BTLA: variants seen among roughly 807,000 people sequenced by gnomAD.
The protein encoded by BTLA is B and T lymphocyte associated, also known as B- and T-lymphocyte attenuator.
Under a neutral mutation model 25.0 loss-of-function variants are expected in BTLA, and 11 were observed. That is an observed-to-expected ratio of 0.44 (90% CI 0.28 to 0.73). BTLA has a LOEUF of 0.73. Ranked by LOEUF, BTLA falls within the 30% of genes least tolerant of loss-of-function variation. BTLA has a pLI of 0.15. For missense variants in BTLA, 282 were observed against 332.8 expected (o/e 0.85, Z 1.19); for synonymous variants, 104 against 119.8 (o/e 0.87, Z 0.86).
intron 1 of BTLA, among the ~76,000 whole-genome samples, chr3:112,484,007 T>C (rs530965151): frequency 1.6e-4 from 24 of 151,348 alleles, no homozygotes; most frequent in Non-Finnish European, 3.1e-4. Flanking sequence ...TGCATGGGTC[T>C]GCAGAAGGTT....
Position 112,471,197 on chromosome 3 carries a change from G to GA in BTLA, c.547+14dup. 6.2e-7 allele frequency: 1 copy of GA among 1,613,216 alleles called. No individual in the cohort carries two copies. On this transcript the variant is annotated intron_variant, in intron 3 of 4. Coordinates refer to ENST00000334529, the MANE Select transcript of BTLA (RefSeq NM_181780.4). ...AAATGTGTGGTACTGGGGGCAGAGGGAAAATAGAACCCACCTTGGTGCCTT... is the reference window on the plus strand; with the variant it reads ...AAATGTGTGGTACTGGGGGCAGAGGGAAAAATAGAACCCACCTTGGTGCCTT...
At chr3:112,474,933 T>C (rs548201066) in intron 2 of BTLA, among the ~76,000 whole-genome samples, 1 of 152,190 alleles carries the variant, frequency 6.6e-6, no homozygotes, top group African/African-American at 2.4e-5. Context: ...TTAACAAAGA[T>C]GAGCCCAATA....
At chr3:112,489,094 T>C (rs1015559816) in intron 1 of BTLA, among the ~76,000 whole-genome samples, 2 of 152,178 alleles carry the variant, frequency 1.3e-5, no homozygotes, top group African/African-American at 4.8e-5. Context: ...TCAACATACC[T>C]TACAGTGGTT....
chr3:112,483,146 T>G (rs1046896163), intron 1 of BTLA, among the ~76,000 whole-genome samples: 28 of 139,698 alleles, frequency 2.0e-4, no homozygotes, highest in African/African-American at 6.6e-4. Context: ...CTTTCTTTTT[T>G]TTTTTTTTTT....
Position 112,479,496 on chromosome 3 carries a change from G to T in BTLA, c.362C>A (p.Ser121Tyr). The change falls in exon 2 of 5, where the codon TCT (serine) becomes TAT (tyrosine). Residue 121 changes from serine to tyrosine, a missense_variant. Ser to Tyr is a moderately radical substitution (Grantham distance 144, BLOSUM62 -2). Transcript: ENST00000334529. ...GSYRCSANFQ[S>Y]NLIESHSTTL... The stretch of plus-strand genomic sequence containing the variant: ...TGTTGAGTGGCTTTCAATGAGATTA[G>T]ACTGAAAATTTGCAGAACAGCGGTA... 1 of 1,613,930 alleles carries T rather than the reference G, an allele frequency of 6.2e-7. No individual in the cohort carries two copies. The highest frequency in any genetic ancestry group is 1.1e-5 in the South Asian group (1 of 91,056).
At chr3:112,467,686 C>T (rs192074475) in intron 4 of BTLA, among the ~76,000 whole-genome samples, 1 of 152,338 alleles carries the variant, frequency 6.6e-6, no homozygotes, top group East Asian at 1.9e-4. Context: ...GTGCCACCCT[C>T]TGATGTGGTG....
chr3:112,479,306 A>G, intron 2 of BTLA, 149 bp downstream of exon 2: 4 of 712,624 alleles, frequency 5.6e-6, no homozygotes, highest in Non-Finnish European at 7.2e-6. Flanking sequence ...ATATGTACAC[A>G]CTGGCACATA....
At chr3:112,467,886 C>T (rs1451244018) in intron 4 of BTLA, among the ~76,000 whole-genome samples, 2 of 152,230 alleles carry the variant, frequency 1.3e-5, no homozygotes, top group Non-Finnish European at 2.9e-5. Context: ...TCCTGTGATA[C>T]TTTTCAATCT....
At chr3:112,466,764 A>G (rs1029203936) in intron 4 of BTLA, among the ~76,000 whole-genome samples, 1 of 152,226 alleles carries the variant, frequency 6.6e-6, no homozygotes, top group African/African-American at 2.4e-5. Context: ...AGTTTAGAAT[A>G]AAAAGATTAA....
rs2082223987 is a variant in BTLA at position 112,466,027 on chromosome 3, T to C, written c.*81A>G. ...GTAAAAATTCTCAAATTGAGAAATATTATTTGACATCCTGTTGAGCCCAGA... is the reference window on the plus strand; with the variant it reads ...GTAAAAATTCTCAAATTGAGAAATACTATTTGACATCCTGTTGAGCCCAGA... On this transcript the variant is annotated 3_prime_UTR_variant, in exon 5 of 5. Coordinates refer to ENST00000334529, the MANE Select transcript of BTLA (RefSeq NM_181780.4). 5 of 1,384,076 alleles carry C rather than the reference T, an allele frequency of 3.6e-6. No homozygotes were observed. The highest frequency in any genetic ancestry group is 2.4e-5 in the East Asian group (1 of 42,162). The allele number at this position is 1,384,076 out of a possible 1,614,324, so 85.7% of individuals were successfully genotyped here. A position where few individuals can be genotyped will look rare whatever the true frequency, so the allele number is the denominator to read the frequency against.
intron 4 of BTLA, among the ~76,000 whole-genome samples, chr3:112,467,960 A>G (rs1260350657): frequency 2.0e-5 from 3 of 152,184 alleles, no homozygotes; most frequent in Non-Finnish European, 4.4e-5. Flanking sequence ...TCCATGAAAA[A>G]TTTTGTTAAA....
chr3:112,484,412 C>A (rs575918520), intron 1 of BTLA, among the ~76,000 whole-genome samples: 2 of 152,082 alleles, frequency 1.3e-5, no homozygotes, highest in Admixed American at 1.3e-4. Flanking sequence ...ACACATTGAG[C>A]GAATTTGATA....
chr3:112,464,277 T>G lies in BTLA; in HGVS notation c.*1831A>C, dbSNP rs1374759628. On this transcript the variant is annotated 3_prime_UTR_variant, in exon 5 of 5. Coordinates refer to ENST00000334529, the MANE Select transcript of BTLA (RefSeq NM_181780.4). ...TTTACTATAAGACATACTAAGGATA[T>G]TTTAAATAAGACAGAAATATTTTGC... 2.5e-6 allele frequency: 1 copy of G among 395,906 alleles called. No individual in the cohort carries two copies. Among genetic ancestry groups the G allele is most frequent in the South Asian group, 1.3e-4 (1 of 7,688 alleles). The allele number at this position is 395,906 out of a possible 1,614,324, so 24.5% of individuals were successfully genotyped here.
chr3:112,498,522 A>G (rs1366244494), intron 1 of BTLA, among the ~76,000 whole-genome samples: 1 of 148,578 alleles, frequency 6.7e-6, no homozygotes, highest in Non-Finnish European at 1.5e-5. Flanking sequence ...GTGGGTTCCT[A>G]TGCAATATAA....
intron 1 of BTLA, among the ~76,000 whole-genome samples, chr3:112,484,166 G>A (rs529149407): frequency 2.0e-5 from 3 of 152,250 alleles, no homozygotes; most frequent in Admixed American, 1.3e-4. Context: ...TAGGGACCAG[G>A]AATCTCATGA....
chr3:112,471,167 G>T lies in BTLA; in HGVS notation c.547+45C>A, dbSNP rs776056656. On this transcript the variant is annotated intron_variant, in intron 3 of 4. Transcript: ENST00000334529. ...TCCTTTAGCCCCAGAAATAAGAATG[G>T]CCCCAAATGTGTGGTACTGGGGGCA... 3.8e-6 allele frequency: 6 copies of T among 1,578,530 alleles called. No homozygotes were observed. The Admixed American group carries it at 1.1e-4, about 29-fold the overall frequency.
chr3:112,476,012 G>C (rs948765416), intron 2 of BTLA, among the ~76,000 whole-genome samples: 8 of 152,062 alleles, frequency 5.3e-5, no homozygotes, highest in Non-Finnish European at 5.9e-5. Context: ...GCCTTCTCCA[G>C]GTTGATGAAG....
At chr3:112,492,151 C>T (rs1274792070) in intron 1 of BTLA, among the ~76,000 whole-genome samples, 1 of 152,210 alleles carries the variant, frequency 6.6e-6, no homozygotes. Flanking sequence ...CCAGAGGATT[C>T]ATATGCATTG....
rs372663873 is a variant in BTLA at position 112,483,182 on chromosome 3, C to G, written c.89-3413G>C. On this transcript the variant is annotated intron_variant, in intron 1 of 4. Transcript: ENST00000334529. ...TTTTTTTTGAGACAAGAGTTTCACT[C>G]TTGTTGCACAGGCTGGAATGCAATG... Among the ~76,000 whole-genome samples, 188 of 105,882 alleles carry G rather than the reference C, an allele frequency of 1.8e-3. 2 individuals carry two copies. Among genetic ancestry groups the G allele is most frequent in the African/African-American group, 6.5e-3 (181 of 27,998 alleles). 69.5% of individuals were successfully genotyped at this position (105,882 alleles called of 152,430 possible). A position where few individuals can be genotyped will look rare whatever the true frequency, so the allele number is the denominator to read the frequency against.
Sources: allele counts gnomAD v4.1 joint callset (sites outside exome capture counted in the v4.1 genomes callset), GRCh38; gene constraint gnomAD v4.1.1; transcripts MANE v1.5; gene names NCBI Gene and HGNC (gene_info 2026-07-23, HGNC 2026-07-21).